GABRA5: variants seen among roughly 807,000 people sequenced by gnomAD.
GABRA5 encodes gamma-aminobutyric acid receptor subunit alpha-5.
Under a neutral mutation model 47.3 loss-of-function variants are expected in GABRA5, and 18 were observed. The observed-to-expected ratio is 0.38, with a 90% CI of 0.26 to 0.56. The LOEUF (loss-of-function observed/expected upper bound fraction) is 0.56, where lower values mean the gene tolerates loss of function less well. GABRA5 is among the 20% of genes least tolerant of loss of function. The probability of loss-of-function intolerance (pLI) is 0.71; values close to 1 mark genes in which losing one functional copy is unlikely to be tolerated. For synonymous variants in GABRA5, 237 were observed against 229.3 expected (o/e 1.03, Z -0.30); for missense variants, 365 against 599.3 (o/e 0.61, Z 4.08).
Position 26,883,911 on chromosome 15 carries a change from A to G in GABRA5, c.497+354A>G, listed in dbSNP as rs1892808091. Among the ~76,000 whole-genome samples the G allele has an allele frequency of 1.3e-5, 2 of 152,140 alleles. No homozygotes were observed. Among genetic ancestry groups the G allele is most frequent in the South Asian group, 4.1e-4 (2 of 4,822 alleles). ...TGGTGGCTCATGCCTGTACACCTTT[A>G]ATCCCAACACTCTGGGAGGCTGAGG... On this transcript the variant is annotated intron_variant, in intron 6 of 10. Transcript: ENST00000335625. The surrounding 1 kb of genome is among the most constrained non-coding windows in gnomAD (Gnocchi z 4.8).
At chr15:26,905,184 T>G (rs1410310260) in intron 6 of GABRA5, among the ~76,000 whole-genome samples, 1 of 152,106 alleles carries the variant, frequency 6.6e-6, no homozygotes, top group Non-Finnish European at 1.5e-5. Flanking sequence ...TTAATTGATT[T>G]TGGAATGCTC....
At chr15:26,887,576 T>A (rs185422969) in intron 6 of GABRA5, among the ~76,000 whole-genome samples, 5 of 152,040 alleles carry the variant, frequency 3.3e-5, no homozygotes, top group African/African-American at 1.2e-4. Flanking sequence ...AGCCTCGGCC[T>A]CCACCCACCT....
chr15:26,900,086 A>C (rs1436455451), intron 6 of GABRA5, among the ~76,000 whole-genome samples: 1 of 152,192 alleles, frequency 6.6e-6, no homozygotes, highest in Admixed American at 6.5e-5. Context: ...CTGCGGAATA[A>C]AATTAACATC....
At chr15:26,941,118 C>CCT (rs1246644142) in intron 9 of GABRA5, among the ~76,000 whole-genome samples, 1 of 152,182 alleles carries the variant, frequency 6.6e-6, no homozygotes, top group Non-Finnish European at 1.5e-5. Flanking sequence ...CATCACTCTG[C>CCT]CTCCAGTCAA....
At chr15:26,880,731 CA>C in intron 3 of GABRA5, 114 bp from the exon 4 acceptor site, 1 of 1,065,364 alleles carries the variant, frequency 9.4e-7, no homozygotes, top group Non-Finnish European at 1.4e-6. Flanking sequence ...GCTGTGTTCT[CA>C]GATCCTCGTC....
At position 26,895,985 on chromosome 15, in the gene GABRA5, G is replaced by C. The variant is rs138121560; in HGVS notation, c.497+12428G>C. Among the ~76,000 whole-genome samples, 519 of 151,828 alleles carry C rather than the reference G, an allele frequency of 3.4e-3. 2 individuals carry two copies. Among genetic ancestry groups the C allele is most frequent in the African/African-American group, 0.012 (493 of 41,390 alleles). ...CCCCTGCCTCCATGCACAGTGGTCC[G>C]GATCCCCTTCCACCCTTCCCTGCAC... On this transcript the variant is annotated intron_variant, in intron 6 of 10. Transcript: ENST00000335625.
chr15:26,937,425 G>A, intron 8 of GABRA5, 97 bp downstream of exon 8: 1 of 1,315,778 alleles, frequency 7.6e-7, no homozygotes, highest in Non-Finnish European at 1.0e-6. Flanking sequence ...GGGGCCACGT[G>A]GGAGGCCGCA....
intron 3 of GABRA5, among the ~76,000 whole-genome samples, chr15:26,879,258 T>C (rs988975139): frequency 6.6e-6 from 1 of 152,168 alleles, no homozygotes; most frequent in African/African-American, 2.4e-5. Flanking sequence ...GAGAAGTGCA[T>C]CATGAAGCCA....
intron 6 of GABRA5, among the ~76,000 whole-genome samples, chr15:26,894,622 C>T (rs1456762911): frequency 1.3e-5 from 2 of 152,134 alleles, no homozygotes; most frequent in Admixed American, 1.3e-4. Context: ...CCTTGGCCTT[C>T]GTCATTCTTG....
intron 7 of GABRA5, among the ~76,000 whole-genome samples, chr15:26,930,837 C>T (rs1033904318): frequency 6.6e-6 from 1 of 151,874 alleles, no homozygotes; most frequent in African/African-American, 2.4e-5. Context: ...AGTCTTGGTG[C>T]CAATTTCTTT....
At chr15:26,931,154 C>A (rs1894097812) in intron 7 of GABRA5, among the ~76,000 whole-genome samples, 1 of 152,096 alleles carries the variant, frequency 6.6e-6, no homozygotes, top group African/African-American at 2.4e-5. Context: ...CTGTCTCGGC[C>A]TCCCAAAGTG....
intron 6 of GABRA5, among the ~76,000 whole-genome samples, chr15:26,912,226 C>T (rs1893613787): frequency 6.6e-6 from 1 of 152,228 alleles, no homozygotes; most frequent in African/African-American, 2.4e-5. Flanking sequence ...TCTAATCTTA[C>T]AGCTTTGTAT....
chr15:26,919,971 C>A (rs960793977), intron 7 of GABRA5, among the ~76,000 whole-genome samples: 1 of 151,580 alleles, frequency 6.6e-6, no homozygotes, highest in Non-Finnish European at 1.5e-5. Flanking sequence ...AAAATCCATT[C>A]ATAATCTTAT....
At chr15:26,905,530 G>A (rs1178325354) in intron 6 of GABRA5, among the ~76,000 whole-genome samples, 4 of 151,774 alleles carry the variant, frequency 2.6e-5, no homozygotes, top group Non-Finnish European at 4.4e-5. Context: ...TAAAATTTGG[G>A]ACATTTTCAG....
At chr15:26,926,593 A>T (rs1475877608) in intron 7 of GABRA5, among the ~76,000 whole-genome samples, 1 of 152,136 alleles carries the variant, frequency 6.6e-6, no homozygotes, top group Non-Finnish European at 1.5e-5. Flanking sequence ...CCCTCTGAAG[A>T]TCCCTGAGGC....
chr15:26,910,714 C>T (rs1876878827), intron 6 of GABRA5, among the ~76,000 whole-genome samples: 1 of 152,040 alleles, frequency 6.6e-6, no homozygotes, highest in Non-Finnish European at 1.5e-5. Flanking sequence ...GGAAGTAAAA[C>T]AGAAATTGGA....
intron 6 of GABRA5, among the ~76,000 whole-genome samples, chr15:26,900,225 A>G (rs181564263): frequency 1.7e-3 from 252 of 152,272 alleles, no homozygotes; most frequent in Middle Eastern, 3.4e-3. Context: ...TAGTTTGTGT[A>G]ACATAGATTT....
At chr15:26,885,540 G>A (rs1278928434) in intron 6 of GABRA5, among the ~76,000 whole-genome samples, 1 of 152,158 alleles carries the variant, frequency 6.6e-6, no homozygotes, top group Non-Finnish European at 1.5e-5. Flanking sequence ...TGTGATGAGT[G>A]AGCCTAGAGC....
chr15:26,938,176 T>C (rs931757640), intron 8 of GABRA5, among the ~76,000 whole-genome samples: 2 of 152,224 alleles, frequency 1.3e-5, no homozygotes, highest in African/African-American at 4.8e-5. Context: ...CTGTTCTGCA[T>C]GCACACACAC....
Sources: gnomAD v4.1 joint callset for allele counts (sites outside exome capture counted in the v4.1 genomes callset) on GRCh38, gnomAD v4.1.1 for gene constraint, Gnocchi (gnomAD v3.1) non-coding constraint, MANE v1.5 for transcripts, NCBI Gene and HGNC (gene_info 2026-07-23, HGNC 2026-07-21) for gene names.